The following FAM118A variants were observed in gnomAD, a reference collection of about 807,000 sequenced individuals.
The protein encoded by FAM118A is protein FAM118A.
Under a neutral mutation model 38.2 loss-of-function variants are expected in FAM118A, and 25 were observed. The ratio of observed to expected loss-of-function variants is 0.65; its 90% confidence interval spans 0.48 to 0.91. The LOEUF (loss-of-function observed/expected upper bound fraction) is 0.91. Among genes scored for constraint, FAM118A ranks in the 40% least tolerant of loss-of-function variants. FAM118A has a pLI of 0.00. For missense variants in FAM118A, 425 were observed against 463.3 expected (o/e 0.92, Z 0.76); for synonymous variants, 178 against 184.1 (o/e 0.97, Z 0.27).
upstream of FAM118A, chr22:45,309,209 T>G (rs913608871): frequency 2.6e-5 from 4 of 152,222 alleles, no homozygotes; most frequent in African/African-American, 9.7e-5. Flanking sequence ...GGAGAAATTC[T>G]CAGCCTCGGG....
chr22:45,330,903 C>CT, intron 5 of FAM118A, 172 bp downstream of exon 5: 1 of 601,384 alleles, frequency 1.7e-6, no homozygotes, highest in Non-Finnish European at 2.5e-6. Flanking sequence ...GTCTGTGTCT[C>CT]TGGGGTCCCG....
intron 8 of FAM118A, among the ~76,000 whole-genome samples, chr22:45,336,939 A>G (rs2086144067): frequency 6.6e-6 from 1 of 152,214 alleles, no homozygotes; most frequent in South Asian, 2.1e-4. Context: ...TTACAGACTA[A>G]GATTTATTTA....
chr22:45,340,476 G>A lies in FAM118A; in HGVS notation c.*71G>A. 2 of 1,549,440 alleles carry A rather than the reference G, an allele frequency of 1.3e-6. No individual in the cohort carries two copies. Among genetic ancestry groups the A allele is most frequent in the Non-Finnish European group, 1.8e-6 (2 of 1,120,990 alleles). ...CCACAGTGCCCAAACGAAGAGGAAT[G>A]TATGGAGAACTCCACGTGGATCTCT... On this transcript the variant is annotated 3_prime_UTR_variant, in exon 9 of 9. Transcript: ENST00000441876.
chr22:45,314,927 C>T (rs1159923842), intron 1 of FAM118A, among the ~76,000 whole-genome samples: 2 of 152,196 alleles, frequency 1.3e-5, no homozygotes, highest in Non-Finnish European at 2.9e-5. Context: ...TAATACACAA[C>T]TTGGGGCTGG....
intron 8 of FAM118A, among the ~76,000 whole-genome samples, chr22:45,337,058 C>T (rs1008224191): frequency 7.2e-5 from 11 of 152,326 alleles, no homozygotes; most frequent in Middle Eastern, 3.4e-3. Flanking sequence ...CTCCCCTCCT[C>T]CTCCTCCCAG....
chr22:45,324,381 G>C (rs758291217), intron 3 of FAM118A, among the ~76,000 whole-genome samples: 1 of 152,208 alleles, frequency 6.6e-6, no homozygotes, highest in Non-Finnish European at 1.5e-5. Context: ...GTGCGTGCGC[G>C]GGGAGTGCGT....
Position 45,332,637 on chromosome 22 carries a change from C to T in FAM118A, c.864C>T (p.Tyr288=), listed in dbSNP as rs376894819. ...TGCACGGAATCAAAGTTGTATCCTA[C>T]GGGGACTGTTTTGACCACTTTCCAG... ...MLLHGIKVVS[Y]GDCFDHFPGY... Residue 288 remains tyrosine (Y), a synonymous_variant, in exon 6 of 9, where the codon TAC becomes TAT. Transcript: ENST00000441876. 1.2e-4 allele frequency: 192 copies of T among 1,614,092 alleles called. No individual in the cohort carries two copies. The highest frequency in any genetic ancestry group is 1.4e-4 in the Non-Finnish European group (166 of 1,180,034).
At chr22:45,323,768 C>T (rs751818455) in intron 3 of FAM118A, among the ~76,000 whole-genome samples, 6 of 152,194 alleles carry the variant, frequency 3.9e-5, no homozygotes, top group Non-Finnish European at 8.8e-5. Context: ...TTGGTGTAAG[C>T]AGGCCGGCCA....
At chr22:45,322,255 TTAAG>T in intron 1 of FAM118A, 112 bp from the exon 2 acceptor site, 1 of 1,566,166 alleles carries the variant, frequency 6.4e-7, no homozygotes, top group Non-Finnish European at 8.7e-7. Flanking sequence ...ATATTATAAT[TTAAG>T]TAAAGATTGA....
intron 8 of FAM118A, among the ~76,000 whole-genome samples, chr22:45,339,046 T>G (rs1369859419): frequency 6.6e-6 from 1 of 152,222 alleles, no homozygotes; most frequent in African/African-American, 2.4e-5. Context: ...TGAGCTGATG[T>G]GGCAGTCCTT....
intron 8 of FAM118A, among the ~76,000 whole-genome samples, chr22:45,337,186 C>G (rs1051919597): frequency 1.3e-5 from 2 of 152,242 alleles, no homozygotes; most frequent in African/African-American, 4.8e-5. Context: ...CCCTAGCCCG[C>G]TGGCTTCCCC....
At chr22:45,333,674 C>CAA (rs541613789) in intron 6 of FAM118A, among the ~76,000 whole-genome samples, 7,718 of 93,410 alleles carry the variant, frequency 0.083, 321 homozygotes, top group Non-Finnish European at 0.11. Context: ...ACTCTGTTTC[C>CAA]AAAAAAAAAA....
intron 1 of FAM118A, among the ~76,000 whole-genome samples, chr22:45,321,212 G>A (rs890773926): frequency 6.6e-6 from 1 of 151,864 alleles, no homozygotes; most frequent in Admixed American, 6.6e-5. Context: ...CACCTCCTGG[G>A]TTCAAGTGAT....
At chr22:45,332,935 G>A (rs1361925057) in intron 6 of FAM118A, among the ~76,000 whole-genome samples, 1 of 151,792 alleles carries the variant, frequency 6.6e-6, no homozygotes, top group Admixed American at 6.6e-5. Flanking sequence ...TAGAGATAGG[G>A]TTTCACCATG....
At chr22:45,336,559 CT>C in intron 8 of FAM118A, 148 bp downstream of exon 8, 1 of 621,046 alleles carries the variant, frequency 1.6e-6, no homozygotes, top group Non-Finnish European at 2.8e-6. Flanking sequence ...GCACAGGAGG[CT>C]TACTTAGCAG....
At chr22:45,323,154 T>G (rs1180236065) in intron 2 of FAM118A, 21 bp from the exon 3 acceptor site, 2 of 1,605,194 alleles carry the variant, frequency 1.2e-6, no homozygotes, top group East Asian at 4.5e-5. Flanking sequence ...TTCATTCTCT[T>G]GCTCCCTTCT....
rs1056322 is a variant in FAM118A, at chr22:45,340,553, C to G, written c.*148C>G. 0.38 allele frequency: 344,352 copies of G among 915,044 alleles called. 72,985 individuals carry two copies. Among genetic ancestry groups the G allele is most frequent in the African/African-American group, 0.8 (48,750 of 60,614 alleles). 56.7% of individuals were successfully genotyped at this position (915,044 alleles called of 1,614,324 possible). A position where few individuals can be genotyped will look rare whatever the true frequency, so the allele number is the denominator to read the frequency against. ...GAGAGCCACATGGGCATGTGGCCCTCAAGGCTGGGTGAGAGGGCTCCCCTG... is the reference window on the plus strand; with the variant it reads ...GAGAGCCACATGGGCATGTGGCCCTGAAGGCTGGGTGAGAGGGCTCCCCTG... On this transcript the variant is annotated 3_prime_UTR_variant, in exon 9 of 9. Transcript: ENST00000441876.
In FAM118A at chr22:45,332,132, G is replaced by A. The variant is rs571258146; in HGVS notation, c.652-293G>A. On this transcript the variant is annotated intron_variant, in intron 5 of 8. Coordinates refer to ENST00000441876, the MANE Select transcript of FAM118A (RefSeq NM_017911.4). ...GGGTGGGCGATGGGCTGGCCTTGCT[G>A]TTAGGGGTGTGGGCACTGCCACCCG... Among the ~76,000 whole-genome samples, 597 of 152,350 alleles carry A rather than the reference G, an allele frequency of 3.9e-3. 2 individuals are homozygous for A. Among genetic ancestry groups the A allele is most frequent in the Non-Finnish European group, 5.0e-3 (343 of 68,032 alleles).
intron 3 of FAM118A, among the ~76,000 whole-genome samples, chr22:45,327,307 T>C (rs985180807): frequency 6.7e-6 from 1 of 149,672 alleles, no homozygotes; most frequent in Admixed American, 6.6e-5. Flanking sequence ...GACACGCTGT[T>C]TCATTACCAC....
Sources: gnomAD v4.1 joint callset for allele counts (sites outside exome capture counted in the v4.1 genomes callset) on GRCh38, gnomAD v4.1.1 for gene constraint, MANE v1.5 for transcripts, NCBI Gene and HGNC (gene_info 2026-07-23, HGNC 2026-07-21) for gene names.